COMMD9: variants seen among roughly 807,000 people sequenced by gnomAD.
COMMD9 encodes the protein COMM domain-containing protein 9.
In COMMD9, 22 loss-of-function variants were observed where a neutral mutation model predicts 23.4. The observed-to-expected ratio is 0.94, with a 90% CI of 0.67 to 1.34. The LOEUF is 1.34. Among genes scored for constraint, COMMD9 ranks in the 40% most tolerant of loss-of-function variants. The pLI is 0.00. For synonymous variants in COMMD9, 99 were observed against 97.4 expected (o/e 1.02, Z -0.10); for missense variants, 231 against 240.2 (o/e 0.96, Z 0.25).
intron 1 of COMMD9, among the ~76,000 whole-genome samples, chr11:36,281,519 TGGAGACCA>T (rs752556945): frequency 3.3e-5 from 5 of 152,156 alleles, no homozygotes; most frequent in Non-Finnish European, 7.4e-5. Flanking sequence ...GTGATACCAG[TGGAGACCA>T]CGTGGAGTCA....
In COMMD9 at chr11:36,274,556, G is replaced by C; in HGVS notation, c.*76C>G. The stretch of plus-strand genomic sequence containing the variant: ...GCCTGTTGTCAGCTGCAGCTGCAAG[G>C]GCAGCCTGCATATGGGGAGACATTT... On this transcript the variant is annotated 3_prime_UTR_variant, in exon 6 of 6. Transcript: ENST00000263401. 6.4e-7 allele frequency: 1 copy of C among 1,564,180 alleles called. No individual in the cohort carries two copies. The highest frequency in any genetic ancestry group is 8.8e-7 in the Non-Finnish European group (1 of 1,141,990).
intron 5 of COMMD9, among the ~76,000 whole-genome samples, chr11:36,275,810 G>C (rs944429436): frequency 1.3e-5 from 2 of 152,192 alleles, no homozygotes; most frequent in Non-Finnish European, 2.9e-5. Flanking sequence ...AGAAGTTGCT[G>C]AAGTACACTG....
intron 3 of COMMD9, 50 bp from the exon 4 acceptor site, chr11:36,277,173 T>G: frequency 2.2e-6 from 3 of 1,384,582 alleles, no homozygotes; most frequent in Non-Finnish European, 3.0e-6. Flanking sequence ...GGGATGAGAC[T>G]GACTCTTCTG....
At chr11:36,278,687 G>C in intron 2 of COMMD9, 71 bp from the exon 3 acceptor site, 1 of 1,516,448 alleles carries the variant, frequency 6.6e-7, no homozygotes, top group Non-Finnish European at 9.0e-7. Flanking sequence ...CAGGGCCAGG[G>C]GCAGGGCTCT....
At chr11:36,276,965 G>T in intron 4 of COMMD9, 124 bp downstream of exon 4, 1 of 683,322 alleles carries the variant, frequency 1.5e-6, no homozygotes, top group Non-Finnish European at 2.3e-6. Flanking sequence ...ACCATACACA[G>T]AGTATGGGTT....
rs1473647296 is a variant in COMMD9, at chr11:36,277,141, A to T, written c.318-18T>A. On this transcript the variant is annotated intron_variant, in intron 3 of 5. Coordinates refer to ENST00000263401, the MANE Select transcript of COMMD9 (RefSeq NM_014186.4). ...AAGTAGACCTGTTTAAGAGGGAAAG[A>T]TGAGGAAAAAATAATGGAAAGGGGA... 1 of 1,577,290 alleles carries T rather than the reference A, an allele frequency of 6.3e-7. No homozygotes were observed. The highest frequency in any genetic ancestry group is 8.6e-7 in the Non-Finnish European group (1 of 1,160,808).
At chr11:36,282,186 T>C (rs745457610) in intron 1 of COMMD9, among the ~76,000 whole-genome samples, 9 of 152,032 alleles carry the variant, frequency 5.9e-5, no homozygotes, top group South Asian at 2.1e-4. Flanking sequence ...ATTTGTATCA[T>C]TGGAGTCCTG....
intron 1 of COMMD9, 98 bp downstream of exon 1, chr11:36,289,264 T>A: frequency 8.4e-7 from 1 of 1,190,156 alleles, no homozygotes; most frequent in South Asian, 1.5e-5. Flanking sequence ...AGCAGAGTTG[T>A]GGCTCCAAAC....
At position 36,277,069 on chromosome 11, in the gene COMMD9, G is replaced by A. The variant is rs1269206350; in HGVS notation, c.352+20C>T. 5.0e-6 allele frequency: 8 copies of A among 1,595,824 alleles called. No homozygotes were observed. Among genetic ancestry groups the A allele is most frequent in the Middle Eastern group, 1.7e-4 (1 of 6,038 alleles). On this transcript the variant is annotated intron_variant, in intron 4 of 5. Transcript: ENST00000263401. ...TGGGGAGACAAGTAAGAAGGGAGGG[G>A]CAGATTTATTGGTACTCACTCTGAT...
intron 3 of COMMD9, chr11:36,278,220 T>G: frequency 2.6e-6 from 1 of 384,000 alleles, no homozygotes; most frequent in Non-Finnish European, 4.7e-6. Flanking sequence ...CATGATCCAT[T>G]TTGTAAAAAC....
chr11:36,278,592 T>C lies in COMMD9; in HGVS notation c.202A>G (p.Thr68Ala), dbSNP rs759519874. 20 of 1,614,026 alleles carry C rather than the reference T, an allele frequency of 1.2e-5. No individual in the cohort carries two copies. The Admixed American group carries it at 1.5e-4, about 12-fold the overall frequency. ...EELLQALHRL[T>A]RLVAFRDLSS... Reference sequence around the variant, plus strand: ...AGGTCACGGAATGCCACCAGCCTAGTGAGGCGGTGCAGAGCCTGGAGCAGC... The same window carrying C: ...AGGTCACGGAATGCCACCAGCCTAGCGAGGCGGTGCAGAGCCTGGAGCAGC... The change falls in exon 3 of 6, where the codon ACT (threonine) becomes GCT (alanine). Residue 68 changes from threonine (T) to alanine (A), a missense_variant. Physicochemically the swap from Thr to Ala is moderately conservative, Grantham distance 58. Coordinates refer to ENST00000263401, the MANE Select transcript of COMMD9 (RefSeq NM_014186.4).
chr11:36,283,065 T>C (rs866229541), intron 1 of COMMD9, among the ~76,000 whole-genome samples: 4 of 152,206 alleles, frequency 2.6e-5, no homozygotes, highest in African/African-American at 9.6e-5. Flanking sequence ...GAATCCCCCA[T>C]CTTCCACCTG....
chr11:36,289,249 C>T, intron 1 of COMMD9, 113 bp downstream of exon 1: 1 of 994,690 alleles, frequency 1.0e-6, no homozygotes, highest in Non-Finnish European at 1.5e-6. Context: ...ACACAGAGAA[C>T]AAGCAGCAGA....
At position 36,280,853 on chromosome 11, in the gene COMMD9, C is replaced by T; in HGVS notation, c.52-16G>A. 1 of 1,526,114 alleles carries T rather than the reference C, an allele frequency of 6.6e-7. No homozygotes were observed. Among genetic ancestry groups the T allele is most frequent in the Non-Finnish European group, 8.8e-7 (1 of 1,134,492 alleles). The allele number at this position is 1,526,114 out of a possible 1,614,324, so 94.5% of individuals were successfully genotyped here. A position where few individuals can be genotyped will look rare whatever the true frequency, so the allele number is the denominator to read the frequency against. On this transcript the variant is annotated splice_polypyrimidine_tract_variant and intron_variant, in intron 1 of 5. Transcript: ENST00000263401. ...TCGAGGAGGCCTATGAATTAAATCA[C>T]AGATAGGAAAAAAAAAAACTCAGAC...
chr11:36,276,506 C>T (rs555276094), intron 4 of COMMD9: 14 of 402,440 alleles, frequency 3.5e-5, no homozygotes, highest in African/African-American at 2.6e-4. Context: ...GATGTTAGGG[C>T]AGAATGAGAA....
At position 36,280,957 on chromosome 11, in the gene COMMD9, G is replaced by T. The variant is rs974126794; in HGVS notation, c.52-120C>A. The stretch of plus-strand genomic sequence containing the variant: ...AGACTTAAATTTTAAAGGTACATAA[G>T]ACTTTGGATTCTAGGAAGATCAAAT... On this transcript the variant is annotated intron_variant, in intron 1 of 5. Transcript: ENST00000263401. 7.7e-6 allele frequency: 8 copies of T among 1,044,106 alleles called. No individual in the cohort carries two copies. The African/African-American group carries it at 1.1e-4, about 15-fold the overall frequency. 64.7% of individuals were successfully genotyped at this position (1,044,106 alleles called of 1,614,324 possible).
chr11:36,276,692 G>A (rs1855978626), intron 4 of COMMD9: 2 of 199,962 alleles, frequency 1.0e-5, no homozygotes, highest in African/African-American at 4.6e-5. Context: ...AGGGCTGAAG[G>A]GAGGACTAAA....
intron 3 of COMMD9, chr11:36,278,175 TACTGTTA>T: frequency 3.5e-6 from 1 of 289,170 alleles, no homozygotes; most frequent in Non-Finnish European, 6.5e-6. Context: ...CTATCGTTAA[TACTGTTA>T]ACAGAAAATA....
At chr11:36,286,395 C>CAAA (rs138463305) in intron 1 of COMMD9, among the ~76,000 whole-genome samples, 1,376 of 76,834 alleles carry the variant, frequency 0.018, 41 homozygotes, top group African/African-American at 0.062. Flanking sequence ...ACTAAAAATA[C>CAAA]AAAAAAAAAA....
Sources: gnomAD v4.1 joint callset for allele counts (sites outside exome capture counted in the v4.1 genomes callset) on GRCh38, gnomAD v4.1.1 for gene constraint, MANE v1.5 for transcripts, NCBI Gene and HGNC (gene_info 2026-07-23, HGNC 2026-07-21) for gene names.